The following KCNT2 variants were observed in gnomAD, a reference collection of about 807,000 sequenced individuals.
KCNT2 encodes potassium sodium-activated channel subfamily T member 2.
KCNT2 carries 67 observed loss-of-function variants against 153.8 expected under a neutral mutation model. The ratio of observed to expected loss-of-function variants is 0.44; its 90% CI spans 0.36 to 0.53. The LOEUF is 0.53. Among genes scored for constraint, KCNT2 ranks in the 20% least tolerant of loss-of-function variants. The probability of loss-of-function intolerance (pLI) is 0.00; values close to 1 mark genes in which losing one functional copy is unlikely to be tolerated. For synonymous variants in KCNT2, 500 were observed against 458.8 expected (o/e 1.09, Z -1.15); for missense variants, 975 against 1,354.8 (o/e 0.72, Z 4.40).
chr1:196,401,791 A>G (rs1200602827), intron 12 of KCNT2, among the ~76,000 whole-genome samples: 1 of 151,738 alleles, frequency 6.6e-6, no homozygotes, highest in African/African-American at 2.4e-5. Context: ...TAATGACTAG[A>G]AACTTTTTAA....
rs372908404 is a variant in KCNT2, at chr1:196,351,054, C to T, written c.1404-8826G>A. 9.9e-5 allele frequency among the ~76,000 whole-genome samples: 15 copies of T among 152,094 alleles called. 1 individual carries two copies. The highest frequency in any genetic ancestry group is 3.4e-4 in the African/African-American group (14 of 41,524). ...TTTCTGAGGGCTCTGTTCTGTTCCACTGATCTATATCTCTGTTTTGGTACC... is the reference window on the plus strand; with the variant it reads ...TTTCTGAGGGCTCTGTTCTGTTCCATTGATCTATATCTCTGTTTTGGTACC... On this transcript the variant is annotated intron_variant, in intron 14 of 27. Coordinates refer to ENST00000294725, the MANE Select transcript of KCNT2 (RefSeq NM_198503.5).
chr1:196,282,365 T>TAAAA lies in KCNT2; in HGVS notation c.2698-10_2698-9insTTTT. On this transcript the variant is annotated splice_polypyrimidine_tract_variant and intron_variant, in intron 23 of 27. Transcript: ENST00000294725. ...TAATCCTTCACAAATGACTGCAATA[T>TAAAA]AAACAAACAAACAATATATAAATGT... 7.1e-7 allele frequency: 1 copy of TAAAA among 1,414,660 alleles called. No homozygotes were observed. The highest frequency in any genetic ancestry group is 1.0e-6 in the Non-Finnish European group (1 of 1,001,260). 87.6% of individuals were successfully genotyped at this position (1,414,660 alleles called of 1,614,324 possible). A position where few individuals can be genotyped will look rare whatever the true frequency, so the allele number is the denominator to read the frequency against.
intron 8 of KCNT2, among the ~76,000 whole-genome samples, chr1:196,431,817 A>G (rs1674175082): frequency 6.6e-6 from 1 of 152,134 alleles, no homozygotes; most frequent in African/African-American, 2.4e-5. Flanking sequence ...GCCAGGTCAG[A>G]TTGTAAATAA....
Position 196,305,261 on chromosome 1 carries a change from G to A in KCNT2, c.2568C>T (p.Tyr856=), listed in dbSNP as rs972209721. Residue 856 remains tyrosine (Y), a synonymous_variant, in exon 22 of 28, where the codon TAC becomes TAT. Coordinates refer to ENST00000294725, the MANE Select transcript of KCNT2 (RefSeq NM_198503.5). The stretch of plus-strand genomic sequence containing the variant: ...TTTCCAGTTTTGAAAGAGCAAGAGA[G>A]TAACAGTCTTTGGCTCTGAATTGCA... ...RFMQFRAKDC[Y]SLALSKLEKK... is the part of the protein sequence containing the mutation. The A allele has an allele frequency of 6.2e-7, 1 of 1,611,094 alleles. No individual in the cohort carries two copies. Among genetic ancestry groups the A allele is most frequent in the Non-Finnish European group, 8.5e-7 (1 of 1,177,680 alleles).
intron 22 of KCNT2, among the ~76,000 whole-genome samples, chr1:196,296,627 T>C (rs1489497195): frequency 6.6e-6 from 1 of 152,098 alleles, no homozygotes; most frequent in African/African-American, 2.4e-5. Context: ...TCTCAAGTAA[T>C]TCCTCTACAG....
intron 16 of KCNT2, among the ~76,000 whole-genome samples, chr1:196,334,866 T>C (rs1409178968): frequency 2.0e-5 from 3 of 151,998 alleles, no homozygotes; most frequent in African/African-American, 7.2e-5. Context: ...AGAAGGCCAC[T>C]GTGAAGTTAG....
At chr1:196,562,771 TAACA>T (rs748821239) in intron 1 of KCNT2, among the ~76,000 whole-genome samples, 9 of 151,888 alleles carry the variant, frequency 5.9e-5, no homozygotes, top group Admixed American at 2.0e-4. Context: ...TCAATGTCTT[TAACA>T]ATCAATGTCC....
intron 1 of KCNT2, among the ~76,000 whole-genome samples, chr1:196,509,323 T>A (rs1334722825): frequency 6.8e-6 from 1 of 147,744 alleles, no homozygotes; most frequent in African/African-American, 2.5e-5. Context: ...AATTTAAATA[T>A]GAAACAGACG....
chr1:196,382,336 T>G (rs1480368695), intron 13 of KCNT2, among the ~76,000 whole-genome samples: 1 of 151,856 alleles, frequency 6.6e-6, no homozygotes, highest in Non-Finnish European at 1.5e-5. Flanking sequence ...CTCGATCTCC[T>G]GACCTTGTGA....
intron 1 of KCNT2, among the ~76,000 whole-genome samples, chr1:196,565,362 C>T (rs1659979755): frequency 6.6e-6 from 1 of 151,450 alleles, no homozygotes; most frequent in Non-Finnish European, 1.5e-5. Context: ...TTAGTAGAGC[C>T]ATTATGGAAA....
intron 1 of KCNT2, among the ~76,000 whole-genome samples, chr1:196,526,015 CTGTGTGTGTGTGTGTGTG>C (rs369541629): frequency 2.1e-5 from 3 of 140,064 alleles, no homozygotes; most frequent in Admixed American, 7.3e-5. Flanking sequence ...AGAACTGACT[CTGTGTGTGTGTGTGTGTG>C]TGTGTGTGTG....
chr1:196,313,021 G>A (rs113701431), intron 21 of KCNT2, among the ~76,000 whole-genome samples: 119 of 151,732 alleles, frequency 7.8e-4, no homozygotes, highest in African/African-American at 2.8e-3. Flanking sequence ...GAGGAAGAGA[G>A]AAAAGGGAGA....
intron 12 of KCNT2, among the ~76,000 whole-genome samples, chr1:196,400,115 A>T (rs1016285685): frequency 6.6e-6 from 1 of 151,808 alleles, no homozygotes; most frequent in Non-Finnish European, 1.5e-5. Flanking sequence ...AAATATTCAA[A>T]TATCAGAATG....
chr1:196,351,495 GCTCT>G (rs200015147), intron 14 of KCNT2, among the ~76,000 whole-genome samples: 3 of 150,894 alleles, frequency 2.0e-5, no homozygotes, highest in African/African-American at 7.3e-5. Context: ...TCATGATTTG[GCTCT>G]CTGTTTGTCT....
chr1:196,264,951 G>A (rs1400145757), intron 25 of KCNT2, among the ~76,000 whole-genome samples: 1 of 152,118 alleles, frequency 6.6e-6, no homozygotes, highest in Non-Finnish European at 1.5e-5. Context: ...GCTTAATCGT[G>A]ATGAAAGCCA....
chr1:196,251,600 G>A (rs1655978013), intron 26 of KCNT2, among the ~76,000 whole-genome samples: 1 of 151,980 alleles, frequency 6.6e-6, no homozygotes, highest in African/African-American at 2.4e-5. Context: ...GTTACCAGAG[G>A]CTGGGAATGG....
chr1:196,489,741 A>C, intron 3 of KCNT2, 97 bp downstream of exon 3: 3 of 698,056 alleles, frequency 4.3e-6, no homozygotes, highest in Non-Finnish European at 7.4e-6. Context: ...AATACCCTTA[A>C]AAATTAAGCT....
chr1:196,318,881 A>G (rs1310131923), intron 20 of KCNT2, among the ~76,000 whole-genome samples: 1 of 151,740 alleles, frequency 6.6e-6, no homozygotes, highest in African/African-American at 2.4e-5. Flanking sequence ...GTGGAAAAGT[A>G]ACATATATTA....
chr1:196,239,805 G>C (rs1351460695), intron 26 of KCNT2, among the ~76,000 whole-genome samples: 2 of 151,868 alleles, frequency 1.3e-5, no homozygotes, highest in Non-Finnish European at 2.9e-5. Flanking sequence ...ACTGTATTTG[G>C]AGATAGAGCC....
Sources: allele counts gnomAD v4.1 joint callset (sites outside exome capture counted in the v4.1 genomes callset), GRCh38; gene constraint gnomAD v4.1.1; transcripts MANE v1.5; gene names NCBI Gene and HGNC (gene_info 2026-07-23, HGNC 2026-07-21).